PMM2: variants seen among roughly 807,000 people sequenced by gnomAD.
The protein encoded by PMM2 is phosphomannomutase 2.
PMM2 carries 35 observed loss-of-function variants against 33.2 expected under a neutral mutation model. The observed-to-expected ratio is 1.06, with a 90% CI of 0.81 to 1.40. The LOEUF (loss-of-function observed/expected upper bound fraction) is 1.40. Ranked by LOEUF, PMM2 falls within the 40% of genes most tolerant of loss-of-function variation. The probability of loss-of-function intolerance (pLI) is 0.00; values close to 1 mark genes in which losing one functional copy is unlikely to be tolerated. For missense variants in PMM2, 386 were observed against 306.0 expected (o/e 1.26, Z -1.95); for synonymous variants, 153 against 114.7 (o/e 1.33, Z -2.13).
chr16:8,832,087 A>G (rs929860232), intron 7 of PMM2: 10 of 960,560 alleles, frequency 1.0e-5, no homozygotes, highest in African/African-American at 5.3e-5. Context: ...CTTTCCTTTC[A>G]TTTCATTTGG....
intron 1 of PMM2, among the ~76,000 whole-genome samples, chr16:8,799,793 G>T (rs142913660): frequency 6.6e-6 from 1 of 151,838 alleles, no homozygotes; most frequent in Non-Finnish European, 1.5e-5. Flanking sequence ...TGATCCACCC[G>T]CCTCGGCCTC....
intron 7 of PMM2, among the ~76,000 whole-genome samples, chr16:8,820,348 C>CTTTTTTTTT (rs1451905873): frequency 1.5e-5 from 2 of 131,362 alleles, no homozygotes. Flanking sequence ...GGACACAGTT[C>CTTTTTTTTT]TTCTTTTTTT....
At chr16:8,831,506 C>T (rs1205658611) in intron 7 of PMM2, among the ~76,000 whole-genome samples, 1 of 152,186 alleles carries the variant, frequency 6.6e-6, no homozygotes, top group Non-Finnish European at 1.5e-5. Flanking sequence ...CAGTGCACTC[C>T]AGCCTGGGCA....
chr16:8,849,270 G>A lies in PMM2; in HGVS notation c.*1445G>A, dbSNP rs1379328334. 6.6e-6 allele frequency: 1 copy of A among 152,264 alleles called. No individual in the cohort carries two copies. The highest frequency in any genetic ancestry group is 1.5e-5 in the Non-Finnish European group (1 of 68,058). The allele number at this position is 152,264 out of a possible 1,614,324, so 9.4% of individuals were successfully genotyped here. Reference sequence around the variant, plus strand: ...CCAGCGGCATCTTTCCTTGTCGAATGATACTGTAATGACCTTCCAAAGTGA... The same window carrying A: ...CCAGCGGCATCTTTCCTTGTCGAATAATACTGTAATGACCTTCCAAAGTGA... On this transcript the variant is annotated 3_prime_UTR_variant, in exon 8 of 8. Transcript: ENST00000268261.
chr16:8,840,883 A>G (rs1433852626), intron 7 of PMM2, among the ~76,000 whole-genome samples: 2 of 151,976 alleles, frequency 1.3e-5, no homozygotes, highest in African/African-American at 4.8e-5. Context: ...TGGAGTAGGC[A>G]AGAGAAGCTT....
Position 8,845,205 on chromosome 16 carries a change from G to A in PMM2, c.640-2519G>A, listed in dbSNP as rs542406296. Among the ~76,000 whole-genome samples, 6 of 152,232 alleles carry A rather than the reference G, an allele frequency of 3.9e-5. No individual in the cohort carries two copies. In the South Asian group the frequency reaches 8.3e-4, roughly 21 times the overall value. Reference sequence around the variant, plus strand: ...GGTGAAGTTAAGAGCAATGTTTTGCGGGCAGGGGTGGATCTCACAAAGTAC... The same window carrying A: ...GGTGAAGTTAAGAGCAATGTTTTGCAGGCAGGGGTGGATCTCACAAAGTAC... On this transcript the variant is annotated intron_variant, in intron 7 of 7. Coordinates refer to ENST00000268261, the MANE Select transcript of PMM2 (RefSeq NM_000303.3).
chr16:8,827,911 T>A lies in PMM2; in HGVS notation c.639+14805T>A, dbSNP rs1382678946. Among the ~76,000 whole-genome samples the A allele has an allele frequency of 6.1e-5, 7 of 113,962 alleles. 1 individual carries two copies. Among genetic ancestry groups the A allele is most frequent in the Non-Finnish European group, 1.2e-4 (7 of 57,434 alleles). 74.8% of individuals were successfully genotyped at this position (113,962 alleles called of 152,430 possible). ...TATGATATATATGATATATATTATATATATTATGTTTTATATATAATATAT... is the reference window on the plus strand; with the variant it reads ...TATGATATATATGATATATATTATAAATATTATGTTTTATATATAATATAT... On this transcript the variant is annotated intron_variant, in intron 7 of 7. Coordinates refer to ENST00000268261, the MANE Select transcript of PMM2 (RefSeq NM_000303.3).
chr16:8,818,860 G>A (rs1009200975), intron 7 of PMM2, among the ~76,000 whole-genome samples: 4 of 149,576 alleles, frequency 2.7e-5, no homozygotes, highest in Non-Finnish European at 5.9e-5. Context: ...GGAGTACCTT[G>A]GTTTGTTGCA....
chr16:8,826,634 A>T (rs907495743), intron 7 of PMM2, among the ~76,000 whole-genome samples: 4 of 152,288 alleles, frequency 2.6e-5, no homozygotes, highest in Admixed American at 1.3e-4. Flanking sequence ...ACGTCATGTG[A>T]ACTAAAATGC....
At chr16:8,835,558 A>C (rs2060840227) in intron 7 of PMM2, among the ~76,000 whole-genome samples, 1 of 152,174 alleles carries the variant, frequency 6.6e-6, no homozygotes, top group Admixed American at 6.5e-5. Flanking sequence ...TATTGAGGAC[A>C]GGAGAGTATA....
intron 7 of PMM2, among the ~76,000 whole-genome samples, chr16:8,847,355 G>C (rs923363921): frequency 1.5e-5 from 2 of 136,126 alleles, no homozygotes; most frequent in African/African-American, 5.6e-5. Context: ...CTTGTGACTT[G>C]TTAGAAAAGC....
intron 7 of PMM2, among the ~76,000 whole-genome samples, chr16:8,814,247 C>T (rs1372092829): frequency 6.6e-6 from 1 of 152,154 alleles, no homozygotes; most frequent in Non-Finnish European, 1.5e-5. Flanking sequence ...CCACCTCGGC[C>T]TCTCAGTTCT....
intron 1 of PMM2, among the ~76,000 whole-genome samples, chr16:8,800,238 G>A (rs2060605435): frequency 2.6e-5 from 4 of 151,808 alleles, no homozygotes; most frequent in Non-Finnish European, 5.9e-5. Context: ...GCGGGCGCCT[G>A]TAATCCTGGC....
intron 7 of PMM2, among the ~76,000 whole-genome samples, chr16:8,816,508 A>G (rs1034536448): frequency 1.3e-5 from 2 of 151,242 alleles, no homozygotes; most frequent in Non-Finnish European, 2.9e-5. Flanking sequence ...TGGGAGGCCA[A>G]GGTGGGCGGA....
intron 7 of PMM2, among the ~76,000 whole-genome samples, chr16:8,820,272 G>T (rs1174389523): frequency 6.6e-6 from 1 of 151,872 alleles, no homozygotes; most frequent in Admixed American, 6.6e-5. Flanking sequence ...CCCAGATCTG[G>T]CCCCACCATT....
chr16:8,820,122 G>C (rs568265240), intron 7 of PMM2, among the ~76,000 whole-genome samples: 1 of 152,154 alleles, frequency 6.6e-6, no homozygotes, highest in Non-Finnish European at 1.5e-5. Context: ...GCTTGAACCC[G>C]GGAGGCGGAG....
chr16:8,827,718 GCATATATA>G (rs1341780956), intron 7 of PMM2, among the ~76,000 whole-genome samples: 7 of 42,824 alleles, frequency 1.6e-4, no homozygotes, highest in African/African-American at 6.6e-4. Flanking sequence ...TTAAATGTGT[GCATATATA>G]TATATATATA....
chr16:8,834,550 C>T (rs1029785208), intron 7 of PMM2, among the ~76,000 whole-genome samples: 5 of 151,946 alleles, frequency 3.3e-5, no homozygotes, highest in African/African-American at 1.2e-4. Context: ...ATTTGCCAGT[C>T]CTGGGTGGGG....
chr16:8,816,676 G>A (rs2060710418), intron 7 of PMM2, among the ~76,000 whole-genome samples: 1 of 152,132 alleles, frequency 6.6e-6, no homozygotes, highest in African/African-American at 2.4e-5. Flanking sequence ...GGGAGGTGGA[G>A]GTTGCAGTGA....
Sources: gnomAD v4.1 joint callset for allele counts (sites outside exome capture counted in the v4.1 genomes callset) on GRCh38, gnomAD v4.1.1 for gene constraint, MANE v1.5 for transcripts, NCBI Gene and HGNC (gene_info 2026-07-23, HGNC 2026-07-21) for gene names.